Variants in ANKRD50 observed in about 807,000 individuals in gnomAD.
The protein encoded by ANKRD50 is ankyrin repeat domain-containing protein 50.
ANKRD50 carries 40 observed loss-of-function variants against 112.0 expected under a neutral mutation model. That is an observed-to-expected ratio of 0.36 (90% CI 0.28 to 0.46). The LOEUF is 0.46. ANKRD50 is among the 20% of genes least tolerant of loss of function. The pLI is 1.00. For missense variants in ANKRD50, 1,487 were observed against 1,701.7 expected (o/e 0.87, Z 2.22); for synonymous variants, 613 against 619.1 (o/e 0.99, Z 0.15).
Position 124,684,297 on chromosome 4 carries a change from G to A in ANKRD50, c.513-5392C>T, listed in dbSNP as rs936536965. On this transcript the variant is annotated intron_variant, in intron 2 of 4. Coordinates refer to ENST00000504087, the MANE Select transcript of ANKRD50 (RefSeq NM_020337.3). ...GTTGAGTGTATGCAGTGTCTAGGCT[G>A]GCAAGAAGTCTCCTTATGCGTCAGA... Among the ~76,000 whole-genome samples, 35 of 152,168 alleles carry A rather than the reference G, an allele frequency of 2.3e-4. No individual in the cohort carries two copies. The East Asian group carries it at 6.2e-3, about 27-fold the overall frequency.
rs1395596355 is a variant in ANKRD50 at position 124,667,319 on chromosome 4, A to AGGGTT, written c.*198_*199insAACCC. 5.6e-4 allele frequency: 85 copies of AGGGTT among 152,142 alleles called. 1 individual carries two copies. Among genetic ancestry groups the AGGGTT allele is most frequent in the Admixed American group, 3.9e-4 (6 of 15,264 alleles). 9.4% of individuals were successfully genotyped at this position (152,142 alleles called of 1,614,324 possible). On this transcript the variant is annotated 3_prime_UTR_variant, in exon 5 of 5. Transcript: ENST00000504087. ...GTGAATACAAAGCACACAAAATGAA[A>AGGGTT]TTTTTTAAGCACAGAGGGTTACATT...
rs1311920143 is a variant in ANKRD50, at chr4:124,664,983, A to G, written c.*2535T>C. 6.6e-6 allele frequency: 1 copy of G among 152,004 alleles called. No homozygotes were observed. Among genetic ancestry groups the G allele is most frequent in the African/African-American group, 2.4e-5 (1 of 41,442 alleles). The allele number at this position is 152,004 out of a possible 1,614,324, so 9.4% of individuals were successfully genotyped here. A position where few individuals can be genotyped will look rare whatever the true frequency, so the allele number is the denominator to read the frequency against. On this transcript the variant is annotated 3_prime_UTR_variant, in exon 5 of 5. Coordinates refer to ENST00000504087, the MANE Select transcript of ANKRD50 (RefSeq NM_020337.3). ...ACAGACGGAATGTTATAAAAATGTT[A>G]TAAGCACATGCCATCATAGTTGTGT...
chr4:124,682,168 T>C (rs1044969248), intron 2 of ANKRD50, among the ~76,000 whole-genome samples: 1 of 151,470 alleles, frequency 6.6e-6, no homozygotes, highest in Admixed American at 6.6e-5. Context: ...TACAAAAAAT[T>C]AGCCGGGCGC....
intron 3 of ANKRD50, among the ~76,000 whole-genome samples, chr4:124,678,445 G>C (rs773589945): frequency 1.3e-5 from 2 of 151,960 alleles, no homozygotes; most frequent in Non-Finnish European, 2.9e-5. Context: ...TATGGCATGA[G>C]ATACTCCTGT....
At chr4:124,696,116 T>C (rs1358928870) in intron 2 of ANKRD50, among the ~76,000 whole-genome samples, 1 of 152,034 alleles carries the variant, frequency 6.6e-6, no homozygotes, top group Admixed American at 6.5e-5. Context: ...CCATGACTAA[T>C]ATGTTAAAGA....
chr4:124,703,100 G>C (rs770249024), intron 2 of ANKRD50, among the ~76,000 whole-genome samples: 23 of 152,048 alleles, frequency 1.5e-4, no homozygotes, highest in Admixed American at 2.0e-4. Flanking sequence ...TGTAAAGAGA[G>C]AAGATCTAAG....
At chr4:124,694,588 G>C (rs546392251) in intron 2 of ANKRD50, among the ~76,000 whole-genome samples, 53 of 152,104 alleles carry the variant, frequency 3.5e-4, no homozygotes, top group South Asian at 4.1e-4. Context: ...TATTAATAAT[G>C]AAAGAAAGAT....
Position 124,710,854 on chromosome 4 carries a change from A to G in ANKRD50, c.-343T>C. 2.4e-6 allele frequency: 1 copy of G among 418,736 alleles called. No individual in the cohort carries two copies. The highest frequency in any genetic ancestry group is 4.2e-6 in the Non-Finnish European group (1 of 235,804). The allele number at this position is 418,736 out of a possible 1,614,324, so 25.9% of individuals were successfully genotyped here. A position where few individuals can be genotyped will look rare whatever the true frequency, so the allele number is the denominator to read the frequency against. On this transcript the variant is annotated 5_prime_UTR_variant, in exon 2 of 5. Coordinates refer to ENST00000504087, the MANE Select transcript of ANKRD50 (RefSeq NM_020337.3). ...GTTTCAAGAACAGAGATGAGACAATACATGTGGAAAACTAAAGAAAAAACC... is the reference window on the plus strand; with the variant it reads ...GTTTCAAGAACAGAGATGAGACAATGCATGTGGAAAACTAAAGAAAAAACC...
In ANKRD50 at chr4:124,670,524, C is replaced by T. The variant is rs368050510; in HGVS notation, c.2753G>A (p.Arg918Gln). The change falls in exon 4 of 5, where the codon CGG becomes CAG. Residue 918 changes from arginine to glutamine, a missense_variant. Arg to Gln is a conservative substitution (Grantham distance 43, BLOSUM62 1). This residue lies in a region of ANKRD50 where 1,046 missense variants were observed against 1,269.5 expected (regional missense o/e 0.82). Coordinates refer to ENST00000504087, the MANE Select transcript of ANKRD50 (RefSeq NM_020337.3). The part of the protein sequence containing the change: ...QRGYDGRNAL[R>Q]VAALEGHRDI... Reference sequence around the variant, plus strand: ...CCTGTGCCCTTCTAATGCAGCAACCCGCAGTGCATTTCTTCCATCATAACC... The same window carrying T: ...CCTGTGCCCTTCTAATGCAGCAACCTGCAGTGCATTTCTTCCATCATAACC... The T allele has an allele frequency of 7.4e-6, 12 of 1,613,308 alleles. No individual in the cohort carries two copies. In the African/African-American group the frequency reaches 1.1e-4, roughly 14 times the overall value.
intron 2 of ANKRD50, among the ~76,000 whole-genome samples, chr4:124,707,939 A>C (rs560857200): frequency 6.6e-6 from 1 of 152,280 alleles, no homozygotes; most frequent in South Asian, 2.1e-4. Context: ...AAAATACAGT[A>C]ATCAGACATG....
chr4:124,712,673 C>A lies in ANKRD50; in HGVS notation c.-979G>T, dbSNP rs1393163170. On this transcript the variant is annotated 5_prime_UTR_variant, in exon 1 of 5. Transcript: ENST00000504087. ...TTCCAGCTTTCCCAGCAGAATCGGT[C>A]GTGCTCGCCCCAGCCCCCACCGGCC... is the stretch of plus-strand genomic sequence containing the variant. 1 of 155,786 alleles carries A rather than the reference C, an allele frequency of 6.4e-6. No individual in the cohort carries two copies. The highest frequency in any genetic ancestry group is 1.8e-4 in the South Asian group (1 of 5,670). The allele number at this position is 155,786 out of a possible 1,614,324, so 9.7% of individuals were successfully genotyped here.
intron 2 of ANKRD50, among the ~76,000 whole-genome samples, chr4:124,694,453 AAG>A (rs1224150175): frequency 6.6e-6 from 1 of 152,228 alleles, no homozygotes; most frequent in Admixed American, 6.5e-5. Flanking sequence ...CTAGCTTGCC[AAG>A]AAAGTATGCA....
At chr4:124,687,419 T>C (rs1316720516) in intron 2 of ANKRD50, among the ~76,000 whole-genome samples, 4 of 151,946 alleles carry the variant, frequency 2.6e-5, no homozygotes, top group African/African-American at 7.3e-5. Flanking sequence ...GTGTAAAACA[T>C]AAAACTATAA....
intron 2 of ANKRD50, among the ~76,000 whole-genome samples, chr4:124,692,289 A>C (rs2110520369): frequency 6.6e-6 from 1 of 152,222 alleles, no homozygotes; most frequent in South Asian, 2.1e-4. Context: ...ATGAACTAAA[A>C]CTCTCAAGTA....
chr4:124,668,266 A>G (rs1730545287), intron 4 of ANKRD50, among the ~76,000 whole-genome samples: 1 of 152,040 alleles, frequency 6.6e-6, no homozygotes, highest in Non-Finnish European at 1.5e-5. Flanking sequence ...AAAGTGCCCT[A>G]AATACCAATA....
In ANKRD50 at chr4:124,706,468, T is replaced by G. The variant is rs534313264; in HGVS notation, c.512+3532A>C. Among the ~76,000 whole-genome samples the G allele has an allele frequency of 3.9e-5, 6 of 152,224 alleles. No individual in the cohort carries two copies. In the East Asian group the frequency reaches 1.2e-3, roughly 29 times the overall value. On this transcript the variant is annotated intron_variant, in intron 2 of 4. Transcript: ENST00000504087. ...ATTACGATTTAGCCATATAATTTCA[T>G]GTATCACGTATTCTATCTACTATCA...
chr4:124,691,524 A>AG (rs1725139006), intron 2 of ANKRD50, among the ~76,000 whole-genome samples: 1 of 148,708 alleles, frequency 6.7e-6, no homozygotes, highest in Admixed American at 6.7e-5. Flanking sequence ...AAAAAAAAAA[A>AG]GGAGAACAGT....
At chr4:124,701,620 G>A (rs952969678) in intron 2 of ANKRD50, among the ~76,000 whole-genome samples, 7 of 151,930 alleles carry the variant, frequency 4.6e-5, no homozygotes, top group Admixed American at 1.3e-4. Context: ...AAAATTATAC[G>A]GTCAAAGACA....
At chr4:124,673,154 C>T (rs1465614137) in intron 3 of ANKRD50, among the ~76,000 whole-genome samples, 1 of 152,044 alleles carries the variant, frequency 6.6e-6, no homozygotes, top group Non-Finnish European at 1.5e-5. Flanking sequence ...GGTCAAAAAA[C>T]TTCAGCACTG....
Sources: allele counts gnomAD v4.1 joint callset (sites outside exome capture counted in the v4.1 genomes callset), GRCh38; gene constraint gnomAD v4.1.1; regional missense constraint gnomAD v4.1.1; transcripts MANE v1.5; gene names NCBI Gene and HGNC (gene_info 2026-07-23, HGNC 2026-07-21).